Variants in FAM227B observed in about 807,000 individuals in gnomAD.
FAM227B encodes the protein protein FAM227B.
FAM227B carries 88 observed loss-of-function variants against 73.8 expected under a neutral mutation model. The observed-to-expected ratio is 1.19, with a 90% CI of 1.00 to 1.42. FAM227B has a LOEUF of 1.42. FAM227B is among the 40% of genes most tolerant of loss of function. FAM227B has a pLI of 0.00. For missense variants in FAM227B, 632 were observed against 590.9 expected (o/e 1.07, Z -0.72); for synonymous variants, 210 against 190.5 (o/e 1.10, Z -0.84).
At chr15:49,502,961 T>G (rs917175156) in intron 11 of FAM227B, among the ~76,000 whole-genome samples, 7 of 151,954 alleles carry the variant, frequency 4.6e-5, no homozygotes, top group Non-Finnish European at 7.4e-5. Context: ...CACCCCGCAT[T>G]GCCAAGTCAA....
At chr15:49,335,722 G>A (rs1403033239) in intron 13 of FAM227B, among the ~76,000 whole-genome samples, 1 of 152,024 alleles carries the variant, frequency 6.6e-6, no homozygotes, top group Non-Finnish European at 1.5e-5. Context: ...CAACCATAGG[G>A]CACTATGATT....
chr15:49,384,890 C>T (rs1184398958), intron 11 of FAM227B, among the ~76,000 whole-genome samples: 2 of 151,828 alleles, frequency 1.3e-5, no homozygotes, highest in African/African-American at 4.8e-5. Flanking sequence ...TTTATTGGAA[C>T]AATATTTTAT....
In FAM227B at chr15:49,550,081, T is replaced by C. The variant is rs1447085219; in HGVS notation, c.748-8275A>G. 2.4e-3 allele frequency among the ~76,000 whole-genome samples: 213 copies of C among 88,026 alleles called. 8 individuals are homozygous for C. Among genetic ancestry groups the C allele is most frequent in the African/African-American group, 4.3e-3 (79 of 18,424 alleles). 57.7% of individuals were successfully genotyped at this position (88,026 alleles called of 152,430 possible). On this transcript the variant is annotated intron_variant, in intron 9 of 15. Coordinates refer to ENST00000299338, the MANE Select transcript of FAM227B (RefSeq NM_152647.3). Reference sequence around the variant, plus strand: ...GGGGCTGATCCCCCCACCTCCCTCCTGGACGGGGGCGGCTGGCCGGGCAGG... The same window carrying C: ...GGGGCTGATCCCCCCACCTCCCTCCCGGACGGGGGCGGCTGGCCGGGCAGG...
chr15:49,542,442 C>T (rs1300235916), intron 9 of FAM227B, among the ~76,000 whole-genome samples: 1 of 152,084 alleles, frequency 6.6e-6, no homozygotes, highest in Non-Finnish European at 1.5e-5. Context: ...GCAATGTGCA[C>T]AGTACCCAAT....
chr15:49,361,168 T>C (rs1045350719), intron 13 of FAM227B, among the ~76,000 whole-genome samples: 1 of 152,176 alleles, frequency 6.6e-6, no homozygotes, highest in Non-Finnish European at 1.5e-5. Flanking sequence ...TTTTACCCCA[T>C]AAATATATAC....
In FAM227B at chr15:49,565,262, G is replaced by C. The variant is rs537690266; in HGVS notation, c.747+2983C>G. 4.0e-5 allele frequency among the ~76,000 whole-genome samples: 6 copies of C among 151,420 alleles called. No individual in the cohort carries two copies. The South Asian group carries it at 1.3e-3, about 32-fold the overall frequency. On this transcript the variant is annotated intron_variant, in intron 9 of 15. Coordinates refer to ENST00000299338, the MANE Select transcript of FAM227B (RefSeq NM_152647.3). ...CCAGGGGTGGTGATGGGCACCTATA[G>C]TCCCAGCTACTCAGGAGGCTGAGGC...
chr15:49,548,322 TG>T (rs1432935631), intron 9 of FAM227B, among the ~76,000 whole-genome samples: 1 of 152,248 alleles, frequency 6.6e-6, no homozygotes, highest in Non-Finnish European at 1.5e-5. Flanking sequence ...TGTATTACAT[TG>T]ATTGATTTGC....
intron 1 of FAM227B, among the ~76,000 whole-genome samples, chr15:49,619,684 G>A (rs1202495209): frequency 6.6e-6 from 1 of 152,170 alleles, no homozygotes; most frequent in Non-Finnish European, 1.5e-5. Flanking sequence ...CTAACAAGTA[G>A]TATTATTTGC....
chr15:49,401,619 A>G (rs1247130125), intron 11 of FAM227B, among the ~76,000 whole-genome samples: 114 of 129,780 alleles, frequency 8.8e-4, no homozygotes, highest in Non-Finnish European at 1.4e-3. Flanking sequence ...CAACAATGAT[A>G]GACTGGATTA....
chr15:49,566,546 T>C (rs1040530823), intron 9 of FAM227B, among the ~76,000 whole-genome samples: 5 of 152,188 alleles, frequency 3.3e-5, no homozygotes, highest in Non-Finnish European at 5.9e-5. Flanking sequence ...GGAAGATAAT[T>C]TTTTTCTTTC....
rs1352798948 is a variant in FAM227B, at chr15:49,359,363, A to T, written c.1271+8085T>A. Reference sequence around the variant, plus strand: ...ATCTGACAAAGGGCTAATATCCAGAATCTACAATAAACTCAAACAAATTTA... The same window carrying T: ...ATCTGACAAAGGGCTAATATCCAGATTCTACAATAAACTCAAACAAATTTA... On this transcript the variant is annotated intron_variant, in intron 13 of 15. Transcript: ENST00000299338. Among the ~76,000 whole-genome samples the T allele has an allele frequency of 3.3e-5, 4 of 120,036 alleles. 1 individual carries two copies. Among genetic ancestry groups the T allele is most frequent in the African/African-American group, 9.6e-5 (3 of 31,170 alleles). 78.7% of individuals were successfully genotyped at this position (120,036 alleles called of 152,430 possible).
chr15:49,545,491 T>A (rs2071702583), intron 9 of FAM227B, among the ~76,000 whole-genome samples: 1 of 152,188 alleles, frequency 6.6e-6, no homozygotes, highest in African/African-American at 2.4e-5. Flanking sequence ...CAATTTCATT[T>A]AGTTCTGCTC....
At chr15:49,429,216 C>T (rs2050383043) in intron 11 of FAM227B, among the ~76,000 whole-genome samples, 1 of 151,914 alleles carries the variant, frequency 6.6e-6, no homozygotes, top group Non-Finnish European at 1.5e-5. Flanking sequence ...AACCAAAATC[C>T]TAGCAATTAT....
chr15:49,415,129 C>CAAAATT (rs2049125434), intron 11 of FAM227B, among the ~76,000 whole-genome samples: 1 of 152,094 alleles, frequency 6.6e-6, no homozygotes, highest in African/African-American at 2.4e-5. Context: ...GAAAATTAAG[C>CAAAATT]CAGTTTTGCT....
intron 9 of FAM227B, among the ~76,000 whole-genome samples, chr15:49,555,225 C>T (rs1403365615): frequency 3.9e-5 from 6 of 152,174 alleles, no homozygotes; most frequent in South Asian, 2.1e-4. Flanking sequence ...GCACTCTCTT[C>T]GGGACCTCTT....
intron 5 of FAM227B, among the ~76,000 whole-genome samples, chr15:49,585,141 A>C (rs548417656): frequency 7.9e-5 from 12 of 152,252 alleles, no homozygotes; most frequent in African/African-American, 2.9e-4. Flanking sequence ...CCACAATGAG[A>C]TACCATCTCA....
At chr15:49,508,178 T>A (rs1230811048) in intron 11 of FAM227B, 33 bp downstream of exon 11, 5 of 1,583,682 alleles carry the variant, frequency 3.2e-6, no homozygotes, top group Non-Finnish European at 4.3e-6. Flanking sequence ...TTGCTACCTA[T>A]TCCATTTGGC....
intron 3 of FAM227B, 42 bp downstream of exon 3, chr15:49,611,173 T>C: frequency 8.3e-7 from 1 of 1,203,214 alleles, no homozygotes; most frequent in Non-Finnish European, 1.2e-6. Context: ...ACTGATATTT[T>C]AAAATGATGT....
At chr15:49,371,759 A>AAATAAAATTCACTTATAAATC (rs1250333608) in intron 11 of FAM227B, among the ~76,000 whole-genome samples, 2 of 148,212 alleles carry the variant, frequency 1.3e-5, no homozygotes, top group African/African-American at 2.4e-5. Flanking sequence ...ACTTATAAAT[A>AAATAAAATTCACTTATAAATC]AATGAAATAA....
Sources: allele counts gnomAD v4.1 joint callset (sites outside exome capture counted in the v4.1 genomes callset), GRCh38; gene constraint gnomAD v4.1.1; transcripts MANE v1.5; gene names NCBI Gene and HGNC (gene_info 2026-07-23, HGNC 2026-07-21).